TBC1D19: variants seen among roughly 807,000 people sequenced by gnomAD.
TBC1D19 encodes the protein TBC1 domain family, member 19.
In TBC1D19, 60 loss-of-function variants were observed where a neutral mutation model predicts 89.0. That is an observed-to-expected ratio of 0.67 (90% CI 0.55 to 0.84). TBC1D19 has a LOEUF of 0.84. Ranked by LOEUF, TBC1D19 falls within the 40% of genes least tolerant of loss-of-function variation. TBC1D19 has a pLI of 0.00. For missense variants in TBC1D19, 500 were observed against 610.8 expected (o/e 0.82, Z 1.91); for synonymous variants, 189 against 199.7 (o/e 0.95, Z 0.45).
intron 19 of TBC1D19, among the ~76,000 whole-genome samples, chr4:26,751,658 T>C (rs2109334371): frequency 6.6e-6 from 1 of 152,350 alleles, no homozygotes; most frequent in Middle Eastern, 3.4e-3. Flanking sequence ...TCTCATCTTT[T>C]TCTCCAGAAT....
intron 1 of TBC1D19, chr4:26,585,098 T>C (rs1375697486): frequency 7.5e-6 from 3 of 397,638 alleles, no homozygotes; most frequent in East Asian, 8.4e-5. Context: ...AAAGCTGATA[T>C]ATACATTCTA....
intron 13 of TBC1D19, among the ~76,000 whole-genome samples, chr4:26,701,752 A>AC (rs1453918036): frequency 2.0e-5 from 3 of 151,678 alleles, no homozygotes; most frequent in South Asian, 2.1e-4. Context: ...CATAAAAAAA[A>AC]CCCACATAAA....
chr4:26,789,642 T>C, the TBC1D19 span, among the ~76,000 whole-genome samples: 1 of 152,198 alleles, frequency 6.6e-6, no homozygotes, highest in Non-Finnish European at 1.5e-5. Context: ...GAAAACAGTA[T>C]GGAGACGTCT....
At chr4:26,828,894 G>A in the TBC1D19 span, among the ~76,000 whole-genome samples, 1 of 152,244 alleles carries the variant, frequency 6.6e-6, no homozygotes, top group African/African-American at 2.4e-5. Context: ...TTACTGGACT[G>A]TTTTAGATGG....
intron 13 of TBC1D19, among the ~76,000 whole-genome samples, chr4:26,714,333 C>T (rs1441567358): frequency 6.6e-6 from 1 of 152,012 alleles, no homozygotes; most frequent in East Asian, 1.9e-4. Context: ...CATATGTATA[C>T]ATGTGCCATG....
intron 13 of TBC1D19, among the ~76,000 whole-genome samples, chr4:26,700,447 C>T (rs1715225690): frequency 6.6e-6 from 1 of 151,944 alleles, no homozygotes; most frequent in African/African-American, 2.4e-5. Flanking sequence ...ATCTTTGTGG[C>T]CTTAGGCAAT....
intron 20 of TBC1D19, 48 bp from the exon 21 acceptor site, chr4:26,754,825 C>A: frequency 6.9e-7 from 1 of 1,450,462 alleles, no homozygotes; most frequent in Non-Finnish European, 9.4e-7. Context: ...TACCTTATTT[C>A]ATAGACTTCG....
At chr4:26,596,011 T>C (rs574236717) in intron 1 of TBC1D19, among the ~76,000 whole-genome samples, 119 of 152,198 alleles carry the variant, frequency 7.8e-4, no homozygotes, top group African/African-American at 2.8e-3. Context: ...GGCTGGAGTG[T>C]GGTGGCATGA....
chr4:26,735,633 C>CT, intron 16 of TBC1D19, 146 bp downstream of exon 16: 4 of 601,604 alleles, frequency 6.6e-6, no homozygotes, highest in Non-Finnish European at 1.1e-5. Context: ...GCTAGTTCCC[C>CT]ATAGGGGCTT....
At chr4:26,769,478 A>G in the TBC1D19 span, among the ~76,000 whole-genome samples, 1 of 152,204 alleles carries the variant, frequency 6.6e-6, no homozygotes, top group Non-Finnish European at 1.5e-5. Context: ...ATATAGAAGT[A>G]CAAGTAAAAT....
At chr4:26,631,279 C>G (rs1742793359) in intron 4 of TBC1D19, among the ~76,000 whole-genome samples, 1 of 151,932 alleles carries the variant, frequency 6.6e-6, no homozygotes, top group Non-Finnish European at 1.5e-5. Flanking sequence ...CATGTTTTTT[C>G]TGTAGTTTAT....
At chr4:26,856,572 T>C in the TBC1D19 span, among the ~76,000 whole-genome samples, 3 of 152,250 alleles carry the variant, frequency 2.0e-5, no homozygotes, top group Non-Finnish European at 2.9e-5. Context: ...AAAATGGGTA[T>C]ACTAATTTAC....
chr4:26,605,070 T>C (rs1740898018), intron 1 of TBC1D19, among the ~76,000 whole-genome samples: 1 of 152,048 alleles, frequency 6.6e-6, no homozygotes, highest in African/African-American at 2.4e-5. Flanking sequence ...ATTATTATTA[T>C]ACTTTAAGTT....
At chr4:26,594,822 C>G (rs911393625) in intron 1 of TBC1D19, among the ~76,000 whole-genome samples, 2 of 152,166 alleles carry the variant, frequency 1.3e-5, no homozygotes, top group Admixed American at 1.3e-4. Flanking sequence ...CCTAAAAAAT[C>G]CCGCTACAAC....
At chr4:26,852,066 C>T in the TBC1D19 span, among the ~76,000 whole-genome samples, 2 of 152,352 alleles carry the variant, frequency 1.3e-5, no homozygotes, top group East Asian at 3.9e-4. Flanking sequence ...ATGTTTCCAC[C>T]TGGATGCCTA....
intron 13 of TBC1D19, among the ~76,000 whole-genome samples, chr4:26,698,071 T>C (rs950964570): frequency 1.3e-5 from 2 of 152,172 alleles, no homozygotes; most frequent in African/African-American, 4.8e-5. Flanking sequence ...GAAGTCAAAT[T>C]GCCCCTGTTT....
At chr4:26,735,833 A>G (rs1718010944) in intron 16 of TBC1D19, among the ~76,000 whole-genome samples, 1 of 152,106 alleles carries the variant, frequency 6.6e-6, no homozygotes, top group African/African-American at 2.4e-5. Context: ...ATGCAAATCA[A>G]AACCACAATG....
upstream of TBC1D19, among the ~76,000 whole-genome samples, chr4:26,580,129 C>G (rs1041663232): frequency 2.0e-5 from 3 of 152,134 alleles, no homozygotes; most frequent in Admixed American, 2.0e-4. Flanking sequence ...CCAGTCCTCC[C>G]CATTCACATA....
At chr4:26,686,211 A>G (rs1003417634) in intron 12 of TBC1D19, among the ~76,000 whole-genome samples, 5 of 152,216 alleles carry the variant, frequency 3.3e-5, no homozygotes, top group Admixed American at 6.5e-5. Context: ...GAATTCTTTT[A>G]AAGGTTAAAG....
Sources: allele counts gnomAD v4.1 joint callset (sites outside exome capture counted in the v4.1 genomes callset), GRCh38; gene constraint gnomAD v4.1.1; transcripts MANE v1.5; gene names NCBI Gene and HGNC (gene_info 2026-07-23, HGNC 2026-07-21).